The following TMEM201 variants were observed in gnomAD, a reference collection of about 807,000 sequenced individuals.
TMEM201 encodes the protein transmembrane protein 201, also known as RP13-15M17.2.
In TMEM201, 26 loss-of-function variants were observed where a neutral mutation model predicts 63.4. That is an observed-to-expected ratio of 0.41 (90% CI 0.30 to 0.57). The LOEUF (loss-of-function observed/expected upper bound fraction) is 0.57, where lower values mean the gene tolerates loss of function less well. TMEM201 is among the 20% of genes least tolerant of loss of function. TMEM201 has a pLI of 0.29. For synonymous variants in TMEM201, 417 were observed against 421.6 expected, an observed-to-expected ratio of 0.99 and a Z score of 0.14; for missense variants, 794 against 917.7, an observed-to-expected ratio of 0.87 and a Z score of 1.74.
At chr1:9,611,684 C>G in intron 9 of TMEM201, 69 bp from the exon 10 acceptor site, 1 of 1,543,568 alleles carries the variant, frequency 6.5e-7, no homozygotes, top group Non-Finnish European at 8.8e-7. Context: ...AGTGGAAGTA[C>G]AGCTGCCCCG....
intron 4 of TMEM201, among the ~76,000 whole-genome samples, chr1:9,600,390 G>A (rs1189406338): frequency 6.6e-6 from 1 of 152,146 alleles, no homozygotes; most frequent in Non-Finnish European, 1.5e-5. Flanking sequence ...CTGTAAATGG[G>A]TCCAGGGCTT....
At chr1:9,598,704 T>G in intron 4 of TMEM201, 79 bp downstream of exon 4, 2 of 1,423,350 alleles carry the variant, frequency 1.4e-6, no homozygotes, top group Non-Finnish European at 1.9e-6. Flanking sequence ...TGGGCACTAG[T>G]GACCAGAGGG....
intron 6 of TMEM201, 111 bp downstream of exon 6, chr1:9,602,383 G>C (rs375133696): frequency 4.0e-6 from 6 of 1,496,042 alleles, no homozygotes; most frequent in Non-Finnish European, 5.4e-6. Context: ...ACCTGCTCAC[G>C]CCCTCCCACC....
Position 9,609,883 on chromosome 1 carries a change from G to A in TMEM201, c.1437G>A (p.Val479=). Residue 479 remains valine (V), a synonymous_variant, in exon 8 of 11, where the codon GTG becomes GTA. Coordinates refer to ENST00000340381, the MANE Select transcript of TMEM201 (RefSeq NM_001130924.3). The stretch of plus-strand genomic sequence containing the variant: ...GCGGTAGCCGCCCACCATCTCAGGT[G>A]TCTCGATCTGGGGAGTTTCCTGTTT... ...LFSGSRPPSQ[V]SRSGEFPVSD... 6.4e-7 allele frequency: 1 copy of A among 1,551,460 alleles called. No homozygotes were observed. Among genetic ancestry groups the A allele is most frequent in the Non-Finnish European group, 8.7e-7 (1 of 1,146,954 alleles).
At chr1:9,609,411 A>C (rs1162471045) in intron 7 of TMEM201, among the ~76,000 whole-genome samples, 1 of 152,218 alleles carries the variant, frequency 6.6e-6, no homozygotes. Flanking sequence ...GAGAACAGGC[A>C]GTTGGGGTCT....
chr1:9,592,847 C>T (rs1333629030), intron 1 of TMEM201, among the ~76,000 whole-genome samples: 1 of 152,212 alleles, frequency 6.6e-6, no homozygotes, highest in Non-Finnish European at 1.5e-5. Context: ...ATAGTGGCCT[C>T]CAGGCCCTCG....
chr1:9,609,340 C>A (rs889074128), intron 7 of TMEM201, among the ~76,000 whole-genome samples: 4 of 152,180 alleles, frequency 2.6e-5, no homozygotes, highest in African/African-American at 9.7e-5. Context: ...GGGCCCCTGC[C>A]CTTGGGGTGC....
At chr1:9,590,382 A>G (rs1643900454) in intron 1 of TMEM201, among the ~76,000 whole-genome samples, 1 of 152,164 alleles carries the variant, frequency 6.6e-6, no homozygotes, top group Admixed American at 6.5e-5. Context: ...GCCGCCTCTC[A>G]GCTAACCCAG....
rs772136986 is a variant in TMEM201, at chr1:9,610,964, C to T, written c.1765+159C>T. On this transcript the variant is annotated intron_variant, in intron 9 of 10. Coordinates refer to ENST00000340381, the MANE Select transcript of TMEM201 (RefSeq NM_001130924.3). The surrounding 1 kb of genome is among the most constrained non-coding windows in gnomAD (Gnocchi z 4.9). ...CCCATTCCGGCTCTGGTGACTTGAA[C>T]CCTCTGGGACATTGACCTCTAATGG... 7.1e-5 allele frequency: 108 copies of T among 1,517,708 alleles called. No individual in the cohort carries two copies. The highest frequency in any genetic ancestry group is 9.1e-5 in the Non-Finnish European group (103 of 1,135,376). 94.0% of individuals were successfully genotyped at this position (1,517,708 alleles called of 1,614,324 possible). A position where few individuals can be genotyped will look rare whatever the true frequency, so the allele number is the denominator to read the frequency against.
At chr1:9,598,760 T>G in intron 4 of TMEM201, 135 bp downstream of exon 4, 2 of 884,156 alleles carry the variant, frequency 2.3e-6, no homozygotes, top group Non-Finnish European at 3.2e-6. Context: ...TATTTTATTT[T>G]ATTTTTGAGA....
intron 1 of TMEM201, among the ~76,000 whole-genome samples, chr1:9,592,051 C>T (rs753248900): frequency 2.0e-5 from 3 of 152,236 alleles, no homozygotes; most frequent in Non-Finnish European, 4.4e-5. Flanking sequence ...GCACCAGGAG[C>T]GACCCTAGAA....
chr1:9,611,944 CA>C, intron 10 of TMEM201, 54 bp downstream of exon 10: 1 of 1,487,226 alleles, frequency 6.7e-7, no homozygotes, highest in Admixed American at 2.4e-5. Context: ...CCGAAGCCAC[CA>C]TCTCCCCCAG....
Position 9,613,117 on chromosome 1 carries a change from C to T in TMEM201, c.*34C>T, listed in dbSNP as rs553679869. On this transcript the variant is annotated 3_prime_UTR_variant, in exon 11 of 11. Coordinates refer to ENST00000340381, the MANE Select transcript of TMEM201 (RefSeq NM_001130924.3). ...TGGAGCCCCTCGGAGGGGAGCAACC[C>T]GGTGCCTGCTGCTTCACCACTGCCG... is the stretch of plus-strand genomic sequence containing the variant. 7.1e-6 allele frequency: 11 copies of T among 1,542,662 alleles called. No homozygotes were observed. Among genetic ancestry groups the T allele is most frequent in the South Asian group, 6.0e-5 (5 of 83,956 alleles).
chr1:9,604,644 G>A lies in TMEM201; in HGVS notation c.1160+2372G>A, dbSNP rs1170079561. 1 of 985,490 alleles carries A rather than the reference G, an allele frequency of 1.0e-6. No homozygotes were observed. The highest frequency in any genetic ancestry group is 1.2e-6 in the Non-Finnish European group (1 of 829,916). The allele number at this position is 985,490 out of a possible 1,614,324, so 61.0% of individuals were successfully genotyped here. A position where few individuals can be genotyped will look rare whatever the true frequency, so the allele number is the denominator to read the frequency against. On this transcript the variant is annotated intron_variant, in intron 6 of 10. Coordinates refer to ENST00000340381, the MANE Select transcript of TMEM201 (RefSeq NM_001130924.3). The surrounding 1 kb of genome is among the most constrained non-coding windows in gnomAD (Gnocchi z 4.1). ...TGACCGTCCCTGAGACATAAGCGAG[G>A]TAGATTCAGCCATCCTCACCCTCAG...
intron 9 of TMEM201, among the ~76,000 whole-genome samples, chr1:9,611,312 T>C (rs1644321389): frequency 6.6e-6 from 1 of 152,008 alleles, no homozygotes; most frequent in African/African-American, 2.4e-5. Context: ...ATTGTCCTGC[T>C]TCAGCCTCCC....
In TMEM201 at chr1:9,601,448, G is replaced by T. The variant is rs773511046; in HGVS notation, c.950G>T (p.Arg317Leu). 6 of 1,582,656 alleles carry T rather than the reference G, an allele frequency of 3.8e-6. No homozygotes were observed. The highest frequency in any genetic ancestry group is 1.7e-5 in the Admixed American group (1 of 59,244). Residue 317 changes from arginine to leucine, a missense_variant, in exon 5 of 11, where the codon CGC (arginine) becomes CTC (leucine). Coordinates refer to ENST00000340381, the MANE Select transcript of TMEM201 (RefSeq NM_001130924.3). ...TCLLAMLLAG[R>L]IRLRRIDAFC... ...CTGCTGGCAATGCTGCTGGCTGGCC[G>T]CATCAGGTGTGCATGGGGCCAGGGC...
rs935541417 is a variant in TMEM201 at position 9,610,870 on chromosome 1, G to A, written c.1765+65G>A. 2.0e-6 allele frequency: 3 copies of A among 1,493,850 alleles called. No homozygotes were observed. In the Admixed American group the frequency reaches 6.2e-5, roughly 31 times the overall value. 92.5% of individuals were successfully genotyped at this position (1,493,850 alleles called of 1,614,324 possible). On this transcript the variant is annotated intron_variant, in intron 9 of 10. Transcript: ENST00000340381. The surrounding 1 kb of genome is among the most constrained non-coding windows in gnomAD (Gnocchi z 4.9). ...CTCTGCTGCCAAGAGGCCTGGCTGTGCGGCGGTGGGGGGGCTCATCCTTGC... is the reference window on the plus strand; with the variant it reads ...CTCTGCTGCCAAGAGGCCTGGCTGTACGGCGGTGGGGGGGCTCATCCTTGC...
rs1644315646 is a variant in TMEM201 at position 9,610,895 on chromosome 1, C to T, written c.1765+90C>T. ...GCGGCGGTGGGGGGGCTCATCCTTG[C>T]TCTGACTCCGGTGTGCGCCTTCCCA... On this transcript the variant is annotated intron_variant, in intron 9 of 10. Transcript: ENST00000340381. The surrounding 1 kb of genome is among the most constrained non-coding windows in gnomAD (Gnocchi z 4.9). The T allele has an allele frequency of 1.3e-6, 2 of 1,491,650 alleles. No individual in the cohort carries two copies. The highest frequency in any genetic ancestry group is 1.4e-5 in the African/African-American group (1 of 72,094). The allele number at this position is 1,491,650 out of a possible 1,614,324, so 92.4% of individuals were successfully genotyped here. A position where few individuals can be genotyped will look rare whatever the true frequency, so the allele number is the denominator to read the frequency against.
At chr1:9,602,390 C>T (rs1459264454) in intron 6 of TMEM201, 118 bp downstream of exon 6, 6 of 1,485,798 alleles carry the variant, frequency 4.0e-6, no homozygotes, top group Non-Finnish European at 5.4e-6. Context: ...CACGCCCTCC[C>T]ACCCCCACCC....
Sources: allele counts gnomAD v4.1 joint callset (sites outside exome capture counted in the v4.1 genomes callset), GRCh38; gene constraint gnomAD v4.1.1; non-coding constraint Gnocchi (gnomAD v3.1); transcripts MANE v1.5; gene names NCBI Gene and HGNC (gene_info 2026-07-23, HGNC 2026-07-21).